Variants in STAC observed in about 807,000 individuals in gnomAD.
The protein encoded by STAC is SH3 and cysteine-rich domain-containing protein.
Under a neutral mutation model 48.8 loss-of-function variants are expected in STAC, and 43 were observed. The observed-to-expected ratio is 0.88, with a 90% CI of 0.69 to 1.14. The LOEUF (loss-of-function observed/expected upper bound fraction) is 1.14. Among genes scored for constraint, STAC ranks in the 50% most tolerant of loss-of-function variants. STAC has a pLI of 0.00. For missense variants in STAC, 497 were observed against 504.0 expected (o/e 0.99, Z 0.13); for synonymous variants, 193 against 179.5 (o/e 1.07, Z -0.60).
intron 1 of STAC, among the ~76,000 whole-genome samples, chr3:36,405,717 G>T (rs1339618835): frequency 1.3e-5 from 2 of 152,116 alleles, no homozygotes; most frequent in Non-Finnish European, 2.9e-5. Context: ...CTTCTAACCA[G>T]ATCTCTTCTT....
intron 5 of STAC, among the ~76,000 whole-genome samples, chr3:36,491,918 G>A (rs2125705574): frequency 7.1e-6 from 1 of 140,034 alleles, no homozygotes; most frequent in East Asian, 2.3e-4. Flanking sequence ...AGAAGCTGAG[G>A]CACAAGAATC....
intron 10 of STAC, among the ~76,000 whole-genome samples, chr3:36,537,547 G>C (rs1010008026): frequency 2.0e-5 from 3 of 152,010 alleles, no homozygotes; most frequent in Non-Finnish European, 4.4e-5. Flanking sequence ...TGTTGGGGCA[G>C]GGGCGTGGTG....
At chr3:36,497,825 T>A (rs947435388) in intron 6 of STAC, among the ~76,000 whole-genome samples, 6 of 152,170 alleles carry the variant, frequency 3.9e-5, no homozygotes, top group Non-Finnish European at 8.8e-5. Flanking sequence ...AGGGCCTGAA[T>A]TCATACTACC....
chr3:36,500,440 C>A (rs1483556194), intron 6 of STAC, among the ~76,000 whole-genome samples: 1 of 151,904 alleles, frequency 6.6e-6, no homozygotes, highest in Non-Finnish European at 1.5e-5. Context: ...CACTGGGGCC[C>A]GTCAGGCGAA....
At chr3:36,414,175 G>GT (rs1244577504) in intron 1 of STAC, among the ~76,000 whole-genome samples, 25 of 152,092 alleles carry the variant, frequency 1.6e-4, no homozygotes, top group African/African-American at 5.6e-4. Flanking sequence ...TTCTCAAGGA[G>GT]TATCTTTGTG....
intron 6 of STAC, among the ~76,000 whole-genome samples, chr3:36,499,682 A>G (rs1698235715): frequency 6.6e-6 from 1 of 152,110 alleles, no homozygotes; most frequent in African/African-American, 2.4e-5. Context: ...AAAGATTTTC[A>G]GACTAGATTT....
At chr3:36,542,503 A>C (rs1022953091) in intron 10 of STAC, among the ~76,000 whole-genome samples, 13 of 151,990 alleles carry the variant, frequency 8.6e-5, no homozygotes, top group African/African-American at 3.1e-4. Context: ...CCATTACTTC[A>C]AAGTGTCCCA....
At chr3:36,485,887 A>C in intron 4 of STAC, 1 of 340,236 alleles carries the variant, frequency 2.9e-6, no homozygotes, top group Non-Finnish European at 5.4e-6. Context: ...CGAAAGAGGA[A>C]ATTCAATCAG....
In STAC at chr3:36,515,700, T is replaced by C. The variant is rs149422137; in HGVS notation, c.920+9866T>C. On this transcript the variant is annotated intron_variant, in intron 8 of 10. Coordinates refer to ENST00000273183, the MANE Select transcript of STAC (RefSeq NM_003149.3). ...ACAGAGTAGAGGAAGCAGTCAGATT[T>C]GTCTCAGGTAGGTGGAGGGATGCTT... is the stretch of plus-strand genomic sequence containing the variant. Among the ~76,000 whole-genome samples, 247 of 152,268 alleles carry C rather than the reference T, an allele frequency of 1.6e-3. 1 individual carries two copies. The highest frequency in any genetic ancestry group is 5.3e-3 in the African/African-American group (221 of 41,554).
rs547713710 is a variant in STAC, at chr3:36,535,702, C to T, written c.1110+6717C>T. Among the ~76,000 whole-genome samples, 254 of 152,200 alleles carry T rather than the reference C, an allele frequency of 1.7e-3. No homozygotes were observed. The Middle Eastern group carries it at 0.024, about 14-fold the overall frequency. On this transcript the variant is annotated intron_variant, in intron 10 of 10. Transcript: ENST00000273183. ...AATGGACGTTGAAATTTATTGAAGG[C>T]CTTTTCTGCATCTATTGAAATAATC... is the stretch of plus-strand genomic sequence containing the variant.
chr3:36,511,635 G>A (rs1300692204), intron 8 of STAC, among the ~76,000 whole-genome samples: 1 of 152,178 alleles, frequency 6.6e-6, no homozygotes, highest in Non-Finnish European at 1.5e-5. Context: ...GGAGGTAGAC[G>A]CCACTTGTCT....
At chr3:36,535,809 GA>G (rs1398789248) in intron 10 of STAC, among the ~76,000 whole-genome samples, 1 of 152,188 alleles carries the variant, frequency 6.6e-6, no homozygotes, top group African/African-American at 2.4e-5. Context: ...TGCATCCCAA[GA>G]ATGAAGCCAA....
chr3:36,385,698 A>T (rs1001847862), intron 1 of STAC, among the ~76,000 whole-genome samples: 7 of 152,058 alleles, frequency 4.6e-5, no homozygotes, highest in African/African-American at 9.7e-5. Context: ...TAGTATCCTC[A>T]CTCTAACAAC....
rs544039279 is a variant in STAC at position 36,539,494 on chromosome 3, A to G, written c.1111-6697A>G. ...CTGTTCCTGTGTTAGTTTGCTAAGG[A>G]CAATGGCCTCCAGCTCCATCCATAT... On this transcript the variant is annotated intron_variant, in intron 10 of 10. Coordinates refer to ENST00000273183, the MANE Select transcript of STAC (RefSeq NM_003149.3). Among the ~76,000 whole-genome samples the G allele has an allele frequency of 4.6e-5, 7 of 152,284 alleles. 1 individual carries two copies. In the South Asian group the frequency reaches 1.5e-3, roughly 32 times the overall value.
intron 2 of STAC, among the ~76,000 whole-genome samples, chr3:36,467,077 C>A (rs965121173): frequency 2.0e-5 from 3 of 151,854 alleles, no homozygotes; most frequent in Non-Finnish European, 4.4e-5. Flanking sequence ...TTGTCAAATG[C>A]ATTTTCTGTG....
chr3:36,511,711 C>T (rs890381214), intron 8 of STAC, among the ~76,000 whole-genome samples: 1 of 152,200 alleles, frequency 6.6e-6, no homozygotes, highest in Non-Finnish European at 1.5e-5. Context: ...GGAAAGCCTG[C>T]CTCTCCACAC....
At chr3:36,464,237 T>A (rs561341377) in intron 2 of STAC, among the ~76,000 whole-genome samples, 4 of 152,284 alleles carry the variant, frequency 2.6e-5, no homozygotes, top group South Asian at 2.1e-4. Context: ...GGTATCTCAT[T>A]GTGGTTTTGA....
Position 36,390,800 on chromosome 3 carries a change from C to G in STAC, c.111+10046C>G, listed in dbSNP as rs117471205. Among the ~76,000 whole-genome samples the G allele has an allele frequency of 2.2e-3, 329 of 152,138 alleles. 14 individuals carry two copies. In the East Asian group the frequency reaches 0.059, roughly 27 times the overall value. ...TTTTATGGAACCCACAAATAATACT[C>G]TCTTTGAATGTTTAAAAAAATGCCA... On this transcript the variant is annotated intron_variant, in intron 1 of 10. Transcript: ENST00000273183.
chr3:36,440,186 A>G (rs896986072), intron 1 of STAC, among the ~76,000 whole-genome samples: 47 of 152,216 alleles, frequency 3.1e-4, no homozygotes, highest in Admixed American at 3.1e-3. Flanking sequence ...TCACACAACC[A>G]CACCTGACTT....
Sources: allele counts gnomAD v4.1 joint callset (sites outside exome capture counted in the v4.1 genomes callset), GRCh38; gene constraint gnomAD v4.1.1; transcripts MANE v1.5; gene names NCBI Gene and HGNC (gene_info 2026-07-23, HGNC 2026-07-21).